The following IL34 variants were observed in gnomAD, a reference collection of about 807,000 sequenced individuals.
IL34 encodes the protein interleukin 34, also known as interleukin-34.
In IL34, 17 loss-of-function variants were observed where a neutral mutation model predicts 25.3. The ratio of observed to expected loss-of-function variants is 0.67; its 90% CI spans 0.46 to 1.01. The LOEUF (loss-of-function observed/expected upper bound fraction) is 1.01. IL34 is among the 50% of genes least tolerant of loss of function. IL34 has a pLI of 0.00. For missense variants in IL34, 368 were observed against 312.9 expected, an observed-to-expected ratio of 1.18 and a Z score of -1.33; for synonymous variants, 174 against 140.9, an observed-to-expected ratio of 1.23 and a Z score of -1.66.
At chr16:70,654,443 G>A (rs2052160419) in intron 1 of IL34, 95 bp from the exon 2 acceptor site, 2 of 1,474,260 alleles carry the variant, frequency 1.4e-6, no homozygotes, top group African/African-American at 2.8e-5. Context: ...TGTCTCCTAT[G>A]CAAATGGATG....
intron 1 of IL34, among the ~76,000 whole-genome samples, chr16:70,621,987 C>T (rs1320743096): frequency 6.6e-6 from 1 of 152,060 alleles, no homozygotes; most frequent in Non-Finnish European, 1.5e-5. Context: ...TCTTCAGTTA[C>T]TTCAGGCCAT....
At chr16:70,606,675 C>G (rs1012298097) in intron 1 of IL34, among the ~76,000 whole-genome samples, 22 of 151,998 alleles carry the variant, frequency 1.4e-4, no homozygotes, top group African/African-American at 4.8e-4. Context: ...GCAGCCTTAA[C>G]CTCCTGGGCT....
intron 1 of IL34, among the ~76,000 whole-genome samples, chr16:70,582,778 A>G (rs1243760944): frequency 6.6e-6 from 1 of 152,226 alleles, no homozygotes. Context: ...CATGCACAAG[A>G]TGCCTCTCTG....
chr16:70,635,300 C>T (rs1597764044), intron 1 of IL34, among the ~76,000 whole-genome samples: 1 of 152,230 alleles, frequency 6.6e-6, no homozygotes, highest in Admixed American at 6.5e-5. Flanking sequence ...GAGGGGATAA[C>T]CCCTCTGCAG....
At chr16:70,589,803 A>G (rs2050732321) in intron 1 of IL34, among the ~76,000 whole-genome samples, 1 of 151,902 alleles carries the variant, frequency 6.6e-6, no homozygotes, top group African/African-American at 2.4e-5. Context: ...TTGTATTTTT[A>G]GTAGAGATGG....
chr16:70,602,583 A>ATTG (rs1555503166), intron 1 of IL34, among the ~76,000 whole-genome samples: 13 of 134,960 alleles, frequency 9.6e-5, no homozygotes, highest in African/African-American at 3.3e-4. Flanking sequence ...TTTGGAATTG[A>ATTG]TGTGTGTGTG....
chr16:70,603,869 A>C (rs1051906305), intron 1 of IL34, among the ~76,000 whole-genome samples: 3 of 152,168 alleles, frequency 2.0e-5, no homozygotes, highest in African/African-American at 7.2e-5. Context: ...GGTGTGCACC[A>C]CTGCACCTGC....
intron 1 of IL34, among the ~76,000 whole-genome samples, chr16:70,613,705 C>T (rs914727936): frequency 1.3e-5 from 2 of 151,982 alleles, no homozygotes; most frequent in African/African-American, 4.8e-5. Context: ...GAAACCCTAT[C>T]TCTACTAAAA....
chr16:70,626,245 CTTT>C (rs2051390970), intron 1 of IL34, among the ~76,000 whole-genome samples: 1 of 151,974 alleles, frequency 6.6e-6, no homozygotes, highest in African/African-American at 2.4e-5. Context: ...TAGTGTGTCT[CTTT>C]TATTTTATTA....
At chr16:70,617,359 A>T (rs910644984) in intron 1 of IL34, among the ~76,000 whole-genome samples, 1 of 152,192 alleles carries the variant, frequency 6.6e-6, no homozygotes, top group African/African-American at 2.4e-5. Flanking sequence ...GCACGAGGAG[A>T]TATCAGCTGT....
intron 3 of IL34, 56 bp downstream of exon 3, chr16:70,656,735 C>T: frequency 2.0e-6 from 2 of 1,003,214 alleles, no homozygotes; most frequent in Non-Finnish European, 1.6e-6. Flanking sequence ...TCCGGTGGGC[C>T]CCAGCCTCAG....
intron 1 of IL34, among the ~76,000 whole-genome samples, chr16:70,611,133 C>T (rs945309437): frequency 4.3e-4 from 65 of 152,178 alleles, no homozygotes; most frequent in African/African-American, 1.4e-3. Context: ...TGCGCACCAC[C>T]ACGCCTGTCT....
intron 1 of IL34, among the ~76,000 whole-genome samples, chr16:70,629,781 C>A (rs1902563): frequency 3.3e-5 from 5 of 151,546 alleles, no homozygotes; most frequent in African/African-American, 9.7e-5. Context: ...TATTTTGATA[C>A]GGGAATTCAA....
chr16:70,614,183 C>CAAAA (rs35356831), intron 1 of IL34, among the ~76,000 whole-genome samples: 2,807 of 131,030 alleles, frequency 0.021, 62 homozygotes, highest in African/African-American at 0.048. Flanking sequence ...AACCCTGTCT[C>CAAAA]AAAAAAAAAA....
intron 1 of IL34, among the ~76,000 whole-genome samples, chr16:70,603,878 G>C (rs2050957988): frequency 2.0e-5 from 3 of 152,168 alleles, no homozygotes; most frequent in African/African-American, 7.2e-5. Context: ...CACTGCACCT[G>C]CCTGATTCTT....
chr16:70,614,669 T>G (rs2051146959), intron 1 of IL34, among the ~76,000 whole-genome samples: 1 of 152,198 alleles, frequency 6.6e-6, no homozygotes, highest in Admixed American at 6.5e-5. Context: ...TAACTGGGTT[T>G]TAAGGGAAGT....
At chr16:70,623,166 C>CA (rs1447567853) in intron 1 of IL34, among the ~76,000 whole-genome samples, 3 of 152,016 alleles carry the variant, frequency 2.0e-5, no homozygotes, top group Admixed American at 2.0e-4. Flanking sequence ...CGCCTTGCAG[C>CA]AGTACAGCCC....
chr16:70,636,280 C>A (rs2051641243), intron 1 of IL34, among the ~76,000 whole-genome samples: 1 of 152,090 alleles, frequency 6.6e-6, no homozygotes, highest in African/African-American at 2.4e-5. Context: ...AAGTGATCCC[C>A]CTGCCTCAGC....
intron 1 of IL34, among the ~76,000 whole-genome samples, chr16:70,634,930 A>G (rs1217131776): frequency 6.6e-6 from 1 of 152,016 alleles, no homozygotes; most frequent in Admixed American, 6.6e-5. Context: ...TTTTAATTTC[A>G]GAGTAATATT....
Sources: gnomAD v4.1 joint callset for allele counts (sites outside exome capture counted in the v4.1 genomes callset) on GRCh38, gnomAD v4.1.1 for gene constraint, MANE v1.5 for transcripts, NCBI Gene and HGNC (gene_info 2026-07-23, HGNC 2026-07-21) for gene names.